The following NFASC variants were observed in gnomAD, a reference collection of about 807,000 sequenced individuals.
NFASC encodes the protein neurofascin homolog.
Under a neutral mutation model 147.5 loss-of-function variants are expected in NFASC, and 43 were observed. The ratio of observed to expected loss-of-function variants is 0.29; its 90% CI spans 0.23 to 0.38. The LOEUF is 0.38. NFASC is among the 10% of genes least tolerant of loss of function. The pLI is 1.00. For synonymous variants in NFASC, 622 were observed against 665.5 expected, an observed-to-expected ratio of 0.93 and a Z score of 1.01; for missense variants, 1,320 against 1,689.0, an observed-to-expected ratio of 0.78 and a Z score of 3.83.
At chr1:204,897,349 A>G (rs1031404346) in intron 1 of NFASC, among the ~76,000 whole-genome samples, 2 of 152,166 alleles carry the variant, frequency 1.3e-5, no homozygotes. Context: ...CCTGTGTGAT[A>G]GTGATAGCAG....
At position 205,016,974 on chromosome 1, in the gene NFASC, G is replaced by A; in HGVS notation, c.*435G>A. The A allele has an allele frequency of 3.4e-6, 1 of 292,438 alleles. No individual in the cohort carries two copies. Among genetic ancestry groups the A allele is most frequent in the Non-Finnish European group, 6.8e-6 (1 of 147,128 alleles). 18.1% of individuals were successfully genotyped at this position (292,438 alleles called of 1,614,324 possible). On this transcript the variant is annotated 3_prime_UTR_variant, in exon 30 of 30. Coordinates refer to ENST00000339876, the MANE Select transcript of NFASC (RefSeq NM_001005388.3). This position sits in a 1 kb window ranked among gnomAD's most constrained non-coding sequence, Gnocchi z 5.1. ...CTTTTCCTTTTGAAAAAGAGTCCCT[G>A]GAAAAGAAAGAATAAGTGGATTCTC...
intron 1 of NFASC, among the ~76,000 whole-genome samples, chr1:204,873,941 G>A (rs1249189384): frequency 1.3e-5 from 2 of 152,198 alleles, no homozygotes; most frequent in Non-Finnish European, 1.5e-5. Context: ...ACAGTGGGTG[G>A]ACAGGTGGGG....
rs544024512 is a variant in NFASC at position 204,976,945 on chromosome 1, G to C, written c.1831+150G>C. On this transcript the variant is annotated intron_variant, in intron 16 of 29. Coordinates refer to ENST00000339876, the MANE Select transcript of NFASC (RefSeq NM_001005388.3). ...ATCTCTTCTTGCCTCGTGATGTCAG[G>C]GTTAGGGAGCTGCCAGTTTCAGAAC... 10 of 1,412,316 alleles carry C rather than the reference G, an allele frequency of 7.1e-6. No individual in the cohort carries two copies. The East Asian group carries it at 1.6e-4, about 23-fold the overall frequency. 87.5% of individuals were successfully genotyped at this position (1,412,316 alleles called of 1,614,324 possible).
rs754730117 is a variant in NFASC, at chr1:204,997,264, A to C, written c.2877A>C (p.Thr959=). The change falls in exon 25 of 30, where the codon ACA becomes ACC. Residue 959 remains threonine, a synonymous_variant. Coordinates refer to ENST00000339876, the MANE Select transcript of NFASC (RefSeq NM_001005388.3). The part of the protein sequence containing the change: ...TAIAATTEAT[T]VPIIPTVAPT... ...TTGCTGCCACCACCGAAGCCACAAC[A>C]GTCCCCATCATCCCAACTGTCGCAC... 1 of 1,612,922 alleles carries C rather than the reference A, an allele frequency of 6.2e-7. No homozygotes were observed. Among genetic ancestry groups the C allele is most frequent in the African/African-American group, 1.3e-5 (1 of 74,852 alleles).
chr1:204,961,588 C>T (rs955405324), intron 8 of NFASC, among the ~76,000 whole-genome samples: 3 of 152,266 alleles, frequency 2.0e-5, no homozygotes, highest in Admixed American at 6.5e-5. Context: ...CTCTTTTGGT[C>T]AATGACCTCC....
intron 4 of NFASC, among the ~76,000 whole-genome samples, chr1:204,950,876 C>T (rs958515079): frequency 1.3e-5 from 2 of 152,132 alleles, no homozygotes; most frequent in Non-Finnish European, 2.9e-5. Context: ...CACACTGGCA[C>T]TTGGGACCTA....
At chr1:204,967,928 G>T in intron 8 of NFASC, 1 of 236,746 alleles carries the variant, frequency 4.2e-6, no homozygotes, top group Admixed American at 5.3e-5. Context: ...AACACAAGCT[G>T]CTCTGGAGTA....
At chr1:204,909,267 A>T (rs2086760409) in intron 1 of NFASC, among the ~76,000 whole-genome samples, 1 of 152,094 alleles carries the variant, frequency 6.6e-6, no homozygotes, top group African/African-American at 2.4e-5. Context: ...AATTTTTTTT[A>T]AATTTAGTCA....
At position 204,874,771 on chromosome 1, in the gene NFASC, C is replaced by T. The variant is rs139524703; in HGVS notation, c.-199-45861C>T. ...TTCTCTTGACATTTAAAGGAGGGCC[C>T]GGTGATAGAGTCAGCCCCACATTTA... On this transcript the variant is annotated intron_variant, in intron 1 of 29. Transcript: ENST00000339876. Among the ~76,000 whole-genome samples, 178 of 152,228 alleles carry T rather than the reference C, an allele frequency of 1.2e-3. 2 individuals carry two copies. The East Asian group carries it at 0.031, about 26-fold the overall frequency.
At chr1:204,973,830 C>T (rs1394177444) in intron 12 of NFASC, among the ~76,000 whole-genome samples, 2 of 152,088 alleles carry the variant, frequency 1.3e-5, no homozygotes, top group Non-Finnish European at 2.9e-5. Context: ...GGAAATGGTT[C>T]TGAGTATATT....
chr1:204,936,144 C>T (rs530771491), intron 2 of NFASC, among the ~76,000 whole-genome samples: 1 of 151,886 alleles, frequency 6.6e-6, no homozygotes, highest in African/African-American at 2.4e-5. Context: ...CCCACCAGCT[C>T]CTCTGGACCC....
intron 1 of NFASC, among the ~76,000 whole-genome samples, chr1:204,844,254 G>A (rs552100810): frequency 1.3e-5 from 2 of 152,254 alleles, no homozygotes; most frequent in African/African-American, 4.8e-5. Flanking sequence ...ACCCTTCATG[G>A]GTTGTTAGGA....
At chr1:204,879,991 G>T (rs1405079711) in intron 1 of NFASC, among the ~76,000 whole-genome samples, 4 of 152,172 alleles carry the variant, frequency 2.6e-5, no homozygotes, top group Non-Finnish European at 4.4e-5. Flanking sequence ...GGGTGAAGTG[G>T]CTTGGCAGGC....
chr1:204,860,428 C>T (rs538721237), intron 1 of NFASC, among the ~76,000 whole-genome samples: 1 of 152,334 alleles, frequency 6.6e-6, no homozygotes, highest in East Asian at 1.9e-4. Context: ...GCCACCCTCA[C>T]TTGTCTGCCA....
At chr1:204,859,313 C>T (rs956776273) in intron 1 of NFASC, among the ~76,000 whole-genome samples, 18 of 152,310 alleles carry the variant, frequency 1.2e-4, no homozygotes, top group African/African-American at 4.1e-4. Context: ...GCCAGGCAGC[C>T]GGGCAGGGTC....
chr1:204,968,145 C>A lies in NFASC; in HGVS notation c.707-104C>A. ...TGGGATGGTTTCAGCTGGGAGGATCCGGCAGGGGCGGTGATGCCACTTCTC... is the reference window on the plus strand; with the variant it reads ...TGGGATGGTTTCAGCTGGGAGGATCAGGCAGGGGCGGTGATGCCACTTCTC... On this transcript the variant is annotated intron_variant, in intron 8 of 29. Transcript: ENST00000339876. The surrounding 1 kb of genome is among the most constrained non-coding windows in gnomAD (Gnocchi z 5.4). 1 of 807,934 alleles carries A rather than the reference C, an allele frequency of 1.2e-6. No individual in the cohort carries two copies. The highest frequency in any genetic ancestry group is 2.1e-6 in the Non-Finnish European group (1 of 470,340). The allele number at this position is 807,934 out of a possible 1,614,324, so 50.0% of individuals were successfully genotyped here.
At chr1:204,836,162 G>A (rs2102415009) in intron 1 of NFASC, among the ~76,000 whole-genome samples, 1 of 152,230 alleles carries the variant, frequency 6.6e-6, no homozygotes, top group East Asian at 1.9e-4. Context: ...GTATGTCTGT[G>A]TGTGCGTGTG....
intron 1 of NFASC, among the ~76,000 whole-genome samples, chr1:204,901,747 A>G (rs942745499): frequency 1.3e-5 from 2 of 152,128 alleles, no homozygotes; most frequent in African/African-American, 4.8e-5. Flanking sequence ...GCATGTTTGT[A>G]AGCTTCTAGG....
At chr1:204,936,824 T>C (rs1337869430) in intron 2 of NFASC, among the ~76,000 whole-genome samples, 1 of 152,226 alleles carries the variant, frequency 6.6e-6, no homozygotes, top group African/African-American at 2.4e-5. Context: ...TGCTTCAGGC[T>C]CCTTCTTTTG....
Sources: gnomAD v4.1 joint callset for allele counts (sites outside exome capture counted in the v4.1 genomes callset) on GRCh38, gnomAD v4.1.1 for gene constraint, Gnocchi (gnomAD v3.1) non-coding constraint, MANE v1.5 for transcripts, NCBI Gene and HGNC (gene_info 2026-07-23, HGNC 2026-07-21) for gene names.